Variants in PAN2 observed in about 807,000 individuals in gnomAD.
The protein encoded by PAN2 is PAN2-PAN3 deadenylation complex catalytic subunit PAN2.
In PAN2, 68 loss-of-function variants were observed where a neutral mutation model predicts 133.3. The observed-to-expected ratio is 0.51, with a 90% confidence interval of 0.42 to 0.62. The LOEUF (loss-of-function observed/expected upper bound fraction) is 0.62. PAN2 is among the 20% of genes least tolerant of loss of function. PAN2 has a pLI of 0.00. For synonymous variants in PAN2, 462 were observed against 544.6 expected (o/e 0.85, Z 2.11); for missense variants, 1,042 against 1,500.5 (o/e 0.69, Z 5.05).
rs776279406 is a variant in PAN2, at chr12:56,319,324, C to T, written c.3254G>A (p.Arg1085Gln). ...FVGHGLQKDF[R>Q]VINLMVPKDQ... The stretch of plus-strand genomic sequence containing the variant: ...CTGCCAAACCATCAGGTTGATGACC[C>T]GGAAGTCCTTCTGCAGGCCATGACC... Residue 1085 changes from arginine (R) to glutamine (Q), a missense_variant, in exon 23 of 26, where the codon CGG becomes CAG. Transcript: ENST00000440411. This position sits in a 1 kb window ranked among gnomAD's most constrained non-coding sequence, Gnocchi z 5.4. 3.7e-6 allele frequency: 6 copies of T among 1,613,798 alleles called. No homozygotes were observed. The highest frequency in any genetic ancestry group is 5.1e-6 in the Non-Finnish European group (6 of 1,179,882).
intron 1 of PAN2, 25 bp from the exon 2 acceptor site, chr12:56,333,233 G>A (rs1158562548): frequency 1.2e-6 from 1 of 843,878 alleles, no homozygotes; most frequent in African/African-American, 1.7e-5. Flanking sequence ...AGGTAGCTGA[G>A]TCAAGGGTAG....
chr12:56,318,179 A>C, intron 25 of PAN2, 58 bp downstream of exon 25: 1 of 1,459,978 alleles, frequency 6.8e-7, no homozygotes, highest in South Asian at 1.1e-5. Context: ...CCTGTCACAA[A>C]CAAACAAAAT....
chr12:56,320,042 G>A lies in PAN2; in HGVS notation c.2789-21C>T, dbSNP rs748271996. 108 of 1,613,580 alleles carry A rather than the reference G, an allele frequency of 6.7e-5. No individual in the cohort carries two copies. In the Admixed American group the frequency reaches 1.8e-3, roughly 26 times the overall value. Reference sequence around the variant, plus strand: ...CTTGACTAGAAGGGAGAATGCAGAGGACACAGGGCTTGGATAGGGAAGTGA... The same window carrying A: ...CTTGACTAGAAGGGAGAATGCAGAGAACACAGGGCTTGGATAGGGAAGTGA... On this transcript the variant is annotated intron_variant, in intron 20 of 25. Transcript: ENST00000440411.
At chr12:56,330,979 A>T (rs2135999623) in intron 2 of PAN2, among the ~76,000 whole-genome samples, 1 of 151,564 alleles carries the variant, frequency 6.6e-6, no homozygotes, top group East Asian at 2.0e-4. Context: ...TTATATTTTC[A>T]GTAGAGACGG....
rs765684972 is a variant in PAN2, at chr12:56,324,223, G to C, written c.1929-38C>G. 4 of 1,611,932 alleles carry C rather than the reference G, an allele frequency of 2.5e-6. No individual in the cohort carries two copies. The South Asian group carries it at 4.4e-5, about 18-fold the overall frequency. On this transcript the variant is annotated intron_variant, in intron 12 of 25. Coordinates refer to ENST00000440411, the MANE Select transcript of PAN2 (RefSeq NM_014871.6). Reference sequence around the variant, plus strand: ...AGGATGATATATGCACATTGAGGAAGTTAGGAGACCTTTTAAATCACAGAG... The same window carrying C: ...AGGATGATATATGCACATTGAGGAACTTAGGAGACCTTTTAAATCACAGAG...
intron 14 of PAN2, 88 bp from the exon 15 acceptor site, chr12:56,323,686 G>T (rs1874812796): frequency 1.4e-6 from 2 of 1,400,952 alleles, no homozygotes; most frequent in East Asian, 2.3e-5. Context: ...TTCAAACTGG[G>T]ATTCCTCACT....
chr12:56,320,175 AGG>A (rs1384658781), intron 20 of PAN2, among the ~76,000 whole-genome samples, 154 bp from the exon 21 acceptor site: 3 of 152,244 alleles, frequency 2.0e-5, no homozygotes, highest in African/African-American at 7.2e-5. Context: ...TAAATGGGAC[AGG>A]TAGACAGAGC....
intron 20 of PAN2, 104 bp from the exon 21 acceptor site, chr12:56,320,125 C>T: frequency 5.8e-6 from 6 of 1,029,320 alleles, no homozygotes; most frequent in Non-Finnish European, 8.8e-6. Flanking sequence ...ACTGTGATCC[C>T]TCAATAATCA....
chr12:56,327,612 C>G lies in PAN2; in HGVS notation c.671G>C (p.Arg224Pro). 1 of 1,613,392 alleles carries G rather than the reference C, an allele frequency of 6.2e-7. No individual in the cohort carries two copies. The highest frequency in any genetic ancestry group is 1.1e-5 in the South Asian group (1 of 91,066). Reference sequence around the variant, plus strand: ...AAACTCATGTTCCACCTTAAAAGTACGGAGGTCTCTCAGGGAAACCTAGAA... The same window carrying G: ...AAACTCATGTTCCACCTTAAAAGTAGGGAGGTCTCTCAGGGAAACCTAGAA... ...TSGKVSLRDLRTFKVEHEFDA... is the reference protein window; with the variant it reads ...TSGKVSLRDLPTFKVEHEFDA... The change falls in exon 6 of 26, where the codon CGT becomes CCT. Residue 224 changes from arginine (R) to proline (P), a missense_variant. Arg to Pro is a moderately radical substitution (Grantham distance 103). Coordinates refer to ENST00000440411, the MANE Select transcript of PAN2 (RefSeq NM_014871.6).
chr12:56,329,802 A>G (rs149209614), intron 2 of PAN2, among the ~76,000 whole-genome samples: 6,983 of 151,758 alleles, frequency 0.046, 227 homozygotes, highest in Non-Finnish European at 0.069. Context: ...AAATTAGCTG[A>G]GCATGGTGGC....
In PAN2 at chr12:56,326,636, T is replaced by G; in HGVS notation, c.1243A>C (p.Asn415His). ...TACAACCTGGGAGCTGGAGCAGAGT[T>G]GGCAGCAGGCCAATCAGAGAGAAGT... is the stretch of plus-strand genomic sequence containing the variant. The part of the protein sequence containing the change: ...DTLLSDWPAA[N>H]SAPAPRRAPP... The change falls in exon 7 of 26, where the codon AAC (asparagine) becomes CAC (histidine). Residue 415 changes from asparagine to histidine, a missense_variant. Coordinates refer to ENST00000440411, the MANE Select transcript of PAN2 (RefSeq NM_014871.6). The G allele has an allele frequency of 6.2e-7, 1 of 1,613,236 alleles. No homozygotes were observed. The highest frequency in any genetic ancestry group is 8.5e-7 in the Non-Finnish European group (1 of 1,179,386).
At position 56,323,142 on chromosome 12, in the gene PAN2, GCCA is replaced by G; in HGVS notation, c.2410_2412del (p.Trp804del). 1 of 1,614,176 alleles carries G rather than the reference GCCA, an allele frequency of 6.2e-7. No homozygotes were observed. Among genetic ancestry groups the G allele is most frequent in the Admixed American group, 1.7e-5 (1 of 60,024 alleles). On this transcript the variant is annotated inframe_deletion, in exon 17 of 26. Coordinates refer to ENST00000440411, the MANE Select transcript of PAN2 (RefSeq NM_014871.6). ...ATCTTCATGCGAATGGAGAAAGGAA[GCCA>G]GACGTTCTTCAACTCCTCAATGGAG...
chr12:56,322,893 G>T, intron 17 of PAN2, 135 bp from the exon 18 acceptor site: 1 of 1,251,358 alleles, frequency 8.0e-7, no homozygotes, highest in Non-Finnish European at 1.1e-6. Context: ...AGCCCATCTA[G>T]GACCCCAACA....
chr12:56,324,019 C>A (rs1874853183), intron 13 of PAN2, 30 bp downstream of exon 13: 1 of 1,613,562 alleles, frequency 6.2e-7, no homozygotes, highest in Non-Finnish European at 8.5e-7. Context: ...GCCTTCCCAA[C>A]TGAGCTGAAG....
chr12:56,326,078 CAG>C (rs1198313928), intron 8 of PAN2, among the ~76,000 whole-genome samples: 2 of 152,220 alleles, frequency 1.3e-5, no homozygotes, highest in Non-Finnish European at 2.9e-5. Flanking sequence ...CATTTAACAA[CAG>C]AACGTAATTT....
At position 56,332,992 on chromosome 12, in the gene PAN2, G is replaced by C; in HGVS notation, c.103C>G (p.Gln35Glu). ...CCCTCTGGGTCCAGCTCCACATTCTGTAGCAGACTTGGGTTCAGGTGGGCA... is the reference window on the plus strand; with the variant it reads ...CCCTCTGGGTCCAGCTCCACATTCTCTAGCAGACTTGGGTTCAGGTGGGCA... The part of the protein sequence containing the change: ...LDAHLNPSLL[Q>E]NVELDPEGVA... Residue 35 changes from glutamine (Q) to glutamate (E), a missense_variant, in exon 2 of 26, where the codon CAG becomes GAG. Coordinates refer to ENST00000440411, the MANE Select transcript of PAN2 (RefSeq NM_014871.6). The C allele has an allele frequency of 6.2e-7, 1 of 1,614,212 alleles. No homozygotes were observed. The highest frequency in any genetic ancestry group is 8.5e-7 in the Non-Finnish European group (1 of 1,180,032).
chr12:56,325,508 C>T (rs4759226), intron 8 of PAN2, 54 bp from the exon 9 acceptor site: 27,199 of 1,603,870 alleles, frequency 0.017, 408 homozygotes, highest in South Asian at 0.058. Flanking sequence ...TCTTTGGCTT[C>T]ACACTCATTT....
Position 56,319,978 on chromosome 12 carries a change from C to G in PAN2, c.2832G>C (p.Ser944=). The change falls in exon 21 of 26, where the codon TCG becomes TCC. Residue 944 remains serine (S), a synonymous_variant. Coordinates refer to ENST00000440411, the MANE Select transcript of PAN2 (RefSeq NM_014871.6). The surrounding 1 kb of genome is among the most constrained non-coding windows in gnomAD (Gnocchi z 5.4). ...IEASVLLAEA[S]LARKQRKTHT... is the part of the protein sequence containing the mutation. ...GTGTTTTCCGCTGCTTCCGTGCCAGCGAGGCTTCAGCCAGCAAGACACTTG... is the reference window on the plus strand; with the variant it reads ...GTGTTTTCCGCTGCTTCCGTGCCAGGGAGGCTTCAGCCAGCAAGACACTTG... The G allele has an allele frequency of 6.2e-7, 1 of 1,614,122 alleles. No homozygotes were observed. Among genetic ancestry groups the G allele is most frequent in the South Asian group, 1.1e-5 (1 of 91,074 alleles).
Position 56,319,846 on chromosome 12 carries a change from C to T in PAN2, c.2946+18G>A. 6.2e-7 allele frequency: 1 copy of T among 1,614,140 alleles called. No individual in the cohort carries two copies. The highest frequency in any genetic ancestry group is 2.2e-5 in the East Asian group (1 of 44,894). On this transcript the variant is annotated intron_variant, in intron 21 of 25. Coordinates refer to ENST00000440411, the MANE Select transcript of PAN2 (RefSeq NM_014871.6). The surrounding 1 kb of genome is among the most constrained non-coding windows in gnomAD (Gnocchi z 5.4). ...TCAGCGTTCTCTTCCAATGCCCCATCCCTTTGGTCTTGGTTACCTCATTAA... is the reference window on the plus strand; with the variant it reads ...TCAGCGTTCTCTTCCAATGCCCCATTCCTTTGGTCTTGGTTACCTCATTAA...
Sources: allele counts gnomAD v4.1 joint callset (sites outside exome capture counted in the v4.1 genomes callset), GRCh38; gene constraint gnomAD v4.1.1; non-coding constraint Gnocchi (gnomAD v3.1); transcripts MANE v1.5; gene names NCBI Gene and HGNC (gene_info 2026-07-23, HGNC 2026-07-21).